The following GABRA2 variants were observed in gnomAD, a reference collection of about 807,000 sequenced individuals.
GABRA2 encodes the protein gamma-aminobutyric acid type A receptor subunit alpha2, also known as gamma-aminobutyric acid receptor subunit alpha-2.
GABRA2 carries 16 observed loss-of-function variants against 48.7 expected under a neutral mutation model. The observed-to-expected ratio is 0.33, with a 90% confidence interval of 0.22 to 0.50. The LOEUF is 0.50. Among genes scored for constraint, GABRA2 ranks in the 20% least tolerant of loss-of-function variants. The probability of loss-of-function intolerance (pLI) is 0.98; values close to 1 mark genes in which losing one functional copy is unlikely to be tolerated. For synonymous variants in GABRA2, 185 were observed against 184.5 expected (o/e 1.00, Z -0.02); for missense variants, 275 against 535.6 (o/e 0.51, Z 4.80).
intron 1 of GABRA2, chr4:46,388,982 T>G: frequency 8.0e-7 from 1 of 1,248,712 alleles, no homozygotes; most frequent in Non-Finnish European, 1.0e-6. Context: ...TAATCAGACT[T>G]CTCTCTGCCA....
At chr4:46,355,985 C>T (rs1336658019) in intron 3 of GABRA2, among the ~76,000 whole-genome samples, 5 of 152,124 alleles carry the variant, frequency 3.3e-5, no homozygotes, top group African/African-American at 1.2e-4. Context: ...CTTCAAGAGG[C>T]ATGTGGACTC....
chr4:46,357,457 T>C (rs1209101806), intron 3 of GABRA2, among the ~76,000 whole-genome samples: 1 of 147,808 alleles, frequency 6.8e-6, no homozygotes, highest in Non-Finnish European at 1.5e-5. Context: ...GACCTCAATT[T>C]GAATTTGAAT....
At chr4:46,265,577 T>C (rs1292214115) in intron 8 of GABRA2, among the ~76,000 whole-genome samples, 1 of 150,246 alleles carries the variant, frequency 6.7e-6, no homozygotes, top group African/African-American at 2.4e-5. Context: ...TCTCTTTTTT[T>C]CTTGGTCATT....
intron 8 of GABRA2, 42 bp downstream of exon 8, chr4:46,303,418 T>C: frequency 1.3e-6 from 2 of 1,536,866 alleles, no homozygotes; most frequent in South Asian, 1.1e-5. Context: ...AAGTATGCTA[T>C]GAAACATAAT....
chr4:46,359,923 C>CAA (rs538528735), intron 3 of GABRA2, among the ~76,000 whole-genome samples: 59 of 144,354 alleles, frequency 4.1e-4, no homozygotes, highest in Middle Eastern at 7.2e-3. Context: ...TCTCAAAAAA[C>CAA]AAAAAAAAAA....
chr4:46,246,353 AT>A lies in GABRA2; in HGVS notation c.*3954del, dbSNP rs1257324837. On this transcript the variant is annotated 3_prime_UTR_variant, in exon 10 of 10. Coordinates refer to ENST00000381620, the MANE Select transcript of GABRA2 (RefSeq NM_000807.4). Reference sequence around the variant, plus strand: ...ATAATTATGTTAAATATTTACTTTAATTTTTAGAGCATGAATTCAGTAGATA... The same window carrying A: ...ATAATTATGTTAAATATTTACTTTAATTTTAGAGCATGAATTCAGTAGATA... 2.6e-5 allele frequency among the ~76,000 whole-genome samples: 4 copies of A among 151,086 alleles called. No individual in the cohort carries two copies. The highest frequency in any genetic ancestry group is 3.0e-5 in the Non-Finnish European group (2 of 67,426).
Position 46,310,227 on chromosome 4 carries a change from G to T in GABRA2, c.505C>A (p.His169Asn). Residue 169 changes from histidine to asparagine, a missense_variant, in exon 6 of 10, where the codon CAC (histidine) becomes AAC (asparagine). Around this residue, in one of 4 missense-constraint regions of GABRA2, gnomAD observed 113 missense variants for 257.1 expected, o/e 0.44. Coordinates refer to ENST00000381620, the MANE Select transcript of GABRA2 (RefSeq NM_000807.4). ...RLTVQAECPM[H>N]LEDFPMDAHS... ...GCATCCATTGGGAAATCCTCCAAGT[G>T]CATTGGGCATTCAGCTTGAACTGTA... 2 of 1,613,636 alleles carry T rather than the reference G, an allele frequency of 1.2e-6. No homozygotes were observed. Among genetic ancestry groups the T allele is most frequent in the Non-Finnish European group, 1.7e-6 (2 of 1,179,690 alleles).
At chr4:46,279,010 A>G (rs890564916) in intron 8 of GABRA2, among the ~76,000 whole-genome samples, 1 of 151,750 alleles carries the variant, frequency 6.6e-6, no homozygotes, top group Admixed American at 6.6e-5. Context: ...TATATACTAT[A>G]TGTATAATAA....
intron 9 of GABRA2, among the ~76,000 whole-genome samples, chr4:46,251,995 T>C (rs1471713755): frequency 1.3e-5 from 2 of 151,542 alleles, no homozygotes; most frequent in African/African-American, 2.4e-5. Context: ...CAGTGAATTA[T>C]CCAAAATAGT....
intron 4 of GABRA2, among the ~76,000 whole-genome samples, chr4:46,330,053 A>G (rs2109798915): frequency 6.6e-6 from 1 of 152,258 alleles, no homozygotes; most frequent in African/African-American, 2.4e-5. Context: ...ATACTCACTC[A>G]CACGCATGTA....
At position 46,389,736 on chromosome 4, in the gene GABRA2, T is replaced by C. The variant is rs1717970583; in HGVS notation, c.-12A>G. On this transcript the variant is annotated splice_region_variant and 5_prime_UTR_variant, in exon 1 of 10. Transcript: ENST00000381620. ...CGGGACCAACGTGTGCGACCCTACC[T>C]GAAACGGCAAGCAGAATTCGGTGTT... is the stretch of plus-strand genomic sequence containing the variant. 2 of 979,610 alleles carry C rather than the reference T, an allele frequency of 2.0e-6. No individual in the cohort carries two copies. The highest frequency in any genetic ancestry group is 2.4e-6 in the Non-Finnish European group (2 of 829,248). 60.7% of individuals were successfully genotyped at this position (979,610 alleles called of 1,614,324 possible).
In GABRA2 at chr4:46,243,574, C is replaced by CA. The variant is rs36037966; in HGVS notation, c.*6733dup. 2.2e-4 allele frequency: 33 copies of CA among 151,422 alleles called. No homozygotes were observed. The Middle Eastern group carries it at 0.014, about 62-fold the overall frequency. 9.4% of individuals were successfully genotyped at this position (151,422 alleles called of 1,614,324 possible). ...ATATTTAAATCATTTTTAATAAATA[C>CA]AAAAAAGTTGTTTAGCATTAATTTG... On this transcript the variant is annotated 3_prime_UTR_variant, in exon 10 of 10. Transcript: ENST00000381620.
intron 8 of GABRA2, among the ~76,000 whole-genome samples, chr4:46,290,597 G>A (rs1268321045): frequency 6.6e-6 from 1 of 151,970 alleles, no homozygotes; most frequent in East Asian, 1.9e-4. Flanking sequence ...GAATCAAACT[G>A]ATTTTTGTGC....
At chr4:46,303,425 TA>T in intron 8 of GABRA2, 34 bp downstream of exon 8, 1 of 1,567,714 alleles carries the variant, frequency 6.4e-7, no homozygotes, top group Non-Finnish European at 8.8e-7. Flanking sequence ...CTATGAAACA[TA>T]ATGTGCTGTA....
chr4:46,385,105 AT>A (rs1717272324), intron 3 of GABRA2, among the ~76,000 whole-genome samples: 2 of 138,848 alleles, frequency 1.4e-5, no homozygotes, highest in Admixed American at 7.2e-5. Flanking sequence ...ATATATATAT[AT>A]ATAAACAAAA....
chr4:46,357,447 G>T (rs945563698), intron 3 of GABRA2, among the ~76,000 whole-genome samples: 2 of 147,450 alleles, frequency 1.4e-5, no homozygotes, highest in Admixed American at 6.9e-5. Flanking sequence ...GGAGTGAAAA[G>T]ACCTCAATTT....
At chr4:46,311,531 T>G (rs1727646063) in intron 5 of GABRA2, among the ~76,000 whole-genome samples, 1 of 152,218 alleles carries the variant, frequency 6.6e-6, no homozygotes, top group South Asian at 2.1e-4. Flanking sequence ...TACAAGTAAC[T>G]TATTTTACAA....
chr4:46,355,229 T>A (rs1735772020), intron 3 of GABRA2, among the ~76,000 whole-genome samples: 1 of 152,180 alleles, frequency 6.6e-6, no homozygotes, highest in Non-Finnish European at 1.5e-5. Context: ...ATAGTCCTTA[T>A]AATTGTAATT....
chr4:46,373,277 A>G (rs1715217652), intron 3 of GABRA2, among the ~76,000 whole-genome samples: 1 of 152,156 alleles, frequency 6.6e-6, no homozygotes, highest in Admixed American at 6.5e-5. Context: ...TAAATCCTAA[A>G]TGACCCTCCC....
Sources: gnomAD v4.1 joint callset for allele counts (sites outside exome capture counted in the v4.1 genomes callset) on GRCh38, gnomAD v4.1.1 for gene constraint, gnomAD v4.1.1 regional missense constraint, MANE v1.5 for transcripts, NCBI Gene and HGNC (gene_info 2026-07-23, HGNC 2026-07-21) for gene names.